PAPSS2: variants seen among roughly 807,000 people sequenced by gnomAD.
PAPSS2 encodes bifunctional 3'-phosphoadenosine 5'-phosphosulfate synthase 2.
PAPSS2 carries 61 observed loss-of-function variants against 66.5 expected under a neutral mutation model. That is an observed-to-expected ratio of 0.92 (90% confidence interval 0.75 to 1.14). The LOEUF is 1.14. PAPSS2 is among the 50% of genes most tolerant of loss of function. The probability of loss-of-function intolerance (pLI) is 0.00; values close to 1 mark genes in which losing one functional copy is unlikely to be tolerated. For missense variants in PAPSS2, 708 were observed against 789.6 expected (o/e 0.90, Z 1.24); for synonymous variants, 289 against 287.5 (o/e 1.01, Z -0.05).
chr10:87,743,917 CATG>C (rs1853905103), intron 11 of PAPSS2, among the ~76,000 whole-genome samples: 2 of 152,162 alleles, frequency 1.3e-5, no homozygotes, highest in Admixed American at 1.3e-4. Context: ...ACCTGACCAA[CATG>C]ATGAAACCCT....
chr10:87,681,621 T>C (rs1034538755), intron 1 of PAPSS2, among the ~76,000 whole-genome samples: 1 of 152,162 alleles, frequency 6.6e-6, no homozygotes, highest in African/African-American at 2.4e-5. Context: ...ATTTACAGAG[T>C]TGTACAACCA....
intron 1 of PAPSS2, among the ~76,000 whole-genome samples, chr10:87,703,337 C>G (rs1024596793): frequency 1.3e-5 from 2 of 149,220 alleles, no homozygotes; most frequent in African/African-American, 4.9e-5. Flanking sequence ...CAGTCCTATC[C>G]ATTGTCTGAT....
At chr10:87,726,217 G>A (rs1853657682) in intron 8 of PAPSS2, among the ~76,000 whole-genome samples, 1 of 152,182 alleles carries the variant, frequency 6.6e-6, no homozygotes, top group Non-Finnish European at 1.5e-5. Flanking sequence ...AGATCATGAG[G>A]TCAAGAGATC....
chr10:87,667,325 G>A (rs777733138), intron 1 of PAPSS2, among the ~76,000 whole-genome samples: 7 of 151,394 alleles, frequency 4.6e-5, no homozygotes, highest in Non-Finnish European at 7.4e-5. Context: ...GTGGTGGCGC[G>A]GGCCTGTAGT....
chr10:87,729,991 T>C (rs1853709274), intron 9 of PAPSS2, among the ~76,000 whole-genome samples: 1 of 152,036 alleles, frequency 6.6e-6, no homozygotes, highest in South Asian at 2.1e-4. Context: ...CGATACTCCG[T>C]CTCAAAAAAA....
intron 9 of PAPSS2, among the ~76,000 whole-genome samples, chr10:87,731,634 A>G (rs1414101189): frequency 6.6e-6 from 1 of 152,234 alleles, no homozygotes; most frequent in Non-Finnish European, 1.5e-5. Context: ...AAGAGGTTAA[A>G]TATCAACACT....
In PAPSS2 at chr10:87,713,435, G is replaced by A. The variant is rs143476828; in HGVS notation, c.381+125G>A. 1.1e-3 allele frequency: 730 copies of A among 663,570 alleles called. 5 individuals are homozygous for A. In the African/African-American group the frequency reaches 0.012, roughly 11 times the overall value. The allele number at this position is 663,570 out of a possible 1,614,324, so 41.1% of individuals were successfully genotyped here. On this transcript the variant is annotated intron_variant, in intron 3 of 12. Transcript: ENST00000456849. ...TAAGAATGTCTCCTTTCAATTTCCC[G>A]ACTATTTCTTCCCCCAATAACAGGC...
chr10:87,715,271 C>T (rs570681660), intron 6 of PAPSS2, among the ~76,000 whole-genome samples, 173 bp downstream of exon 6: 1 of 152,312 alleles, frequency 6.6e-6, no homozygotes, highest in South Asian at 2.1e-4. Flanking sequence ...AAATCTCTCA[C>T]CAAGAATTGC....
intron 1 of PAPSS2, among the ~76,000 whole-genome samples, chr10:87,707,603 T>A: frequency 6.8e-6 from 1 of 146,260 alleles, no homozygotes. Context: ...AGGGTCTCGC[T>A]CTGTTGCCCA....
chr10:87,697,334 G>A (rs1853246962), intron 1 of PAPSS2, among the ~76,000 whole-genome samples: 1 of 152,186 alleles, frequency 6.6e-6, no homozygotes, highest in Non-Finnish European at 1.5e-5. Flanking sequence ...AGAGCAAGGG[G>A]CAACGAGGGG....
chr10:87,730,092 T>C (rs2131722407), intron 9 of PAPSS2, among the ~76,000 whole-genome samples: 1 of 152,298 alleles, frequency 6.6e-6, no homozygotes, highest in Non-Finnish European at 1.5e-5. Flanking sequence ...TTACACACAG[T>C]GAGCTAACAA....
chr10:87,701,646 A>G (rs1202899383), intron 1 of PAPSS2, among the ~76,000 whole-genome samples: 3 of 151,928 alleles, frequency 2.0e-5, no homozygotes, highest in Non-Finnish European at 4.4e-5. Flanking sequence ...GCTGGTTCCT[A>G]TCTCCTGGAC....
rs1213817886 is a variant in PAPSS2, at chr10:87,701,323, CCTTCCTTTCTTTCTTTCTTTCTTT to C, written c.28-7869_28-7846del. Among the ~76,000 whole-genome samples, 105 of 84,192 alleles carry C rather than the reference CCTTCCTTTCTTTCTTTCTTTCTTT, an allele frequency of 1.2e-3. 4 individuals are homozygous for C. The highest frequency in any genetic ancestry group is 4.0e-3 in the African/African-American group (70 of 17,708). 55.2% of individuals were successfully genotyped at this position (84,192 alleles called of 152,430 possible). ...TTTTTCCTTCCTTCCTTCCTTCCTT[CCTTCCTTTCTTTCTTTCTTTCTTT>C]CTTTCTTTCTTTCTTTCTTTCTTTC... On this transcript the variant is annotated intron_variant, in intron 1 of 12. Coordinates refer to ENST00000456849, the MANE Select transcript of PAPSS2 (RefSeq NM_001015880.2).
At chr10:87,688,805 T>G (rs996423821) in intron 1 of PAPSS2, among the ~76,000 whole-genome samples, 4 of 152,124 alleles carry the variant, frequency 2.6e-5, no homozygotes, top group African/African-American at 4.8e-5. Context: ...TCCTTCTTAT[T>G]CAGACTTCTT....
In PAPSS2 at chr10:87,713,312, T is replaced by TTTAAAA; in HGVS notation, c.381+2_381+3insTTAAAA. On this transcript the variant is annotated splice_region_variant and intron_variant, in intron 3 of 12. Coordinates refer to ENST00000456849, the MANE Select transcript of PAPSS2 (RefSeq NM_001015880.2). ...AGCTTTATTTCTCCATTCGCAAAGG[T>TTTAAAA]AAAAAAAAAAAAAAAAAAAAAAGGC... is the stretch of plus-strand genomic sequence containing the variant. The TTTAAAA allele has an allele frequency of 5.2e-6, 3 of 573,436 alleles. No homozygotes were observed. Among genetic ancestry groups the TTTAAAA allele is most frequent in the East Asian group, 5.4e-5 (1 of 18,690 alleles). 35.5% of individuals were successfully genotyped at this position (573,436 alleles called of 1,614,324 possible). A position where few individuals can be genotyped will look rare whatever the true frequency, so the allele number is the denominator to read the frequency against.
At chr10:87,683,535 T>C (rs894300452) in intron 1 of PAPSS2, among the ~76,000 whole-genome samples, 3 of 152,212 alleles carry the variant, frequency 2.0e-5, no homozygotes, top group African/African-American at 7.2e-5. Context: ...TGGTCTAAAT[T>C]TGCATTCACG....
intron 1 of PAPSS2, among the ~76,000 whole-genome samples, chr10:87,664,578 CT>C (rs1852792655): frequency 6.6e-6 from 1 of 152,134 alleles, no homozygotes; most frequent in African/African-American, 2.4e-5. Flanking sequence ...TTATCTTTGT[CT>C]TTTATCACTT....
At chr10:87,742,912 C>T (rs957264812) in intron 10 of PAPSS2, among the ~76,000 whole-genome samples, 1 of 152,216 alleles carries the variant, frequency 6.6e-6, no homozygotes, top group African/African-American at 2.4e-5. Flanking sequence ...TGGATTAACA[C>T]CTCTAAAGAC....
At position 87,713,214 on chromosome 10, in the gene PAPSS2, C is replaced by T; in HGVS notation, c.285C>T (p.Asp95=). ...LNRNLGFSPG[D]REENIRRIAE... ...GAAATCTCGGATTCTCTCCTGGGGA[C>T]AGAGAGGAAAATATCCGCCGGATTG... Residue 95 remains aspartate, a synonymous_variant, in exon 3 of 13, where the codon GAC becomes GAT. Transcript: ENST00000456849. The T allele has an allele frequency of 2.5e-6, 4 of 1,602,898 alleles. No individual in the cohort carries two copies. Among genetic ancestry groups the T allele is most frequent in the Non-Finnish European group, 3.4e-6 (4 of 1,176,406 alleles).
Sources: gnomAD v4.1 joint callset for allele counts (sites outside exome capture counted in the v4.1 genomes callset) on GRCh38, gnomAD v4.1.1 for gene constraint, MANE v1.5 for transcripts, NCBI Gene and HGNC (gene_info 2026-07-23, HGNC 2026-07-21) for gene names.